The following DISC1 variants were observed in gnomAD, a reference collection of about 807,000 sequenced individuals.
DISC1 encodes DISC1 scaffold protein.
DISC1 carries 57 observed loss-of-function variants against 84.5 expected under a neutral mutation model. That is an observed-to-expected ratio of 0.67 (90% confidence interval 0.55 to 0.84). The LOEUF (loss-of-function observed/expected upper bound fraction) is 0.84. Ranked by LOEUF, DISC1 falls within the 40% of genes least tolerant of loss-of-function variation. The probability of loss-of-function intolerance (pLI) is 0.00; values close to 1 mark genes in which losing one functional copy is unlikely to be tolerated. For synonymous variants in DISC1, 411 were observed against 415.2 expected (o/e 0.99, Z 0.12); for missense variants, 1,000 against 1,057.8 (o/e 0.95, Z 0.76).
chr1:231,994,656 G>A (rs1035383337), intron 10 of DISC1, among the ~76,000 whole-genome samples: 1 of 152,194 alleles, frequency 6.6e-6, no homozygotes, highest in African/African-American at 2.4e-5. Context: ...TATTAACAAT[G>A]GTGATGATGG....
rs545170342 is a variant in DISC1, at chr1:231,824,937, G to A, written c.1981+6420G>A. 5.9e-5 allele frequency among the ~76,000 whole-genome samples: 9 copies of A among 151,836 alleles called. No individual in the cohort carries two copies. In the South Asian group the frequency reaches 1.9e-3, roughly 32 times the overall value. ...ACCCATCCATCCATCCTTTCCACAA[G>A]CATTTATTGAGTACTTACGATATGC... On this transcript the variant is annotated intron_variant, in intron 9 of 12. Transcript: ENST00000439617.
At chr1:231,794,765 AC>A (rs11355500) in intron 6 of DISC1, among the ~76,000 whole-genome samples, 20,864 of 152,092 alleles carry the variant, frequency 0.14, 1,618 homozygotes, top group East Asian at 0.27. Context: ...TCTCAGACAT[AC>A]TTTAAATATG....
intron 9 of DISC1, among the ~76,000 whole-genome samples, chr1:231,831,328 A>G (rs1247676171): frequency 1.3e-5 from 2 of 152,252 alleles, no homozygotes; most frequent in Non-Finnish European, 2.9e-5. Flanking sequence ...GAGACAGGGT[A>G]GCAGCTTGTA....
At chr1:231,855,285 A>T (rs2084189657) in intron 9 of DISC1, 1 of 626,708 alleles carries the variant, frequency 1.6e-6, no homozygotes, top group Non-Finnish European at 1.9e-6. Flanking sequence ...TCTATATAAC[A>T]TATGTATATT....
rs753431678 is a variant in DISC1 at position 231,767,304 on chromosome 1, G to A, written c.1398+35G>A. The A allele has an allele frequency of 8.1e-6, 13 of 1,613,402 alleles. No homozygotes were observed. In the East Asian group the frequency reaches 8.9e-5, roughly 11 times the overall value. The stretch of plus-strand genomic sequence containing the variant: ...TGAAAGATCTTCAAGAAATATGATG[G>A]CATTTTTCTTTTCTTTGAGACAGGG... On this transcript the variant is annotated intron_variant, in intron 5 of 12. Transcript: ENST00000439617.
chr1:231,979,206 C>T (rs1231976595), intron 10 of DISC1, among the ~76,000 whole-genome samples: 2 of 151,812 alleles, frequency 1.3e-5, no homozygotes, highest in Admixed American at 6.6e-5. Flanking sequence ...GTTCAGGGCT[C>T]CCACTGATTC....
chr1:231,883,455 T>TGTGAGTGGGTGGCCATGTGGGGC (rs1324119460), intron 9 of DISC1, among the ~76,000 whole-genome samples: 4 of 151,904 alleles, frequency 2.6e-5, no homozygotes, highest in African/African-American at 9.7e-5. Context: ...ATGAGGTTGG[T>TGTGAGTGGGTGGCCATGTGGGGC]GTGAGTGGGT....
chr1:231,647,804 T>C (rs2060261485), intron 1 of DISC1, among the ~76,000 whole-genome samples: 1 of 152,226 alleles, frequency 6.6e-6, no homozygotes, highest in South Asian at 2.1e-4. Flanking sequence ...CCTCGGTGTT[T>C]TATTCTCTTT....
intron 9 of DISC1, among the ~76,000 whole-genome samples, chr1:231,955,490 T>C (rs201555316): frequency 2.0e-5 from 3 of 149,014 alleles, no homozygotes; most frequent in Non-Finnish European, 3.0e-5. Flanking sequence ...TCTTGACTTT[T>C]TTTTTTTTTT....
At chr1:231,634,753 A>G (rs1467736655) in intron 1 of DISC1, among the ~76,000 whole-genome samples, 1 of 152,118 alleles carries the variant, frequency 6.6e-6, no homozygotes, top group East Asian at 1.9e-4. Flanking sequence ...AGGGTACTTA[A>G]AAATGTAGAG....
intron 8 of DISC1, among the ~76,000 whole-genome samples, chr1:231,811,771 T>C (rs1171544100): frequency 1.3e-5 from 2 of 152,192 alleles, no homozygotes; most frequent in Non-Finnish European, 2.9e-5. Flanking sequence ...CTAAGTCACT[T>C]ATTGACATGA....
At chr1:231,775,923 G>C (rs1028012724) in intron 6 of DISC1, among the ~76,000 whole-genome samples, 2 of 152,076 alleles carry the variant, frequency 1.3e-5, no homozygotes, top group African/African-American at 4.8e-5. Flanking sequence ...TGTGATGTGG[G>C]GGTGGGGGAG....
intron 8 of DISC1, among the ~76,000 whole-genome samples, chr1:231,806,729 C>T (rs145444323): frequency 1.7e-4 from 26 of 152,184 alleles, no homozygotes; most frequent in African/African-American, 6.3e-4. Flanking sequence ...GAAGTGAGAG[C>T]GAAGATCTCA....
chr1:231,978,938 C>A (rs894587056), intron 10 of DISC1, among the ~76,000 whole-genome samples: 1 of 152,160 alleles, frequency 6.6e-6, no homozygotes, highest in Non-Finnish European at 1.5e-5. Context: ...CCGGGCTGCA[C>A]AGCAGGAGGT....
chr1:231,937,618 C>T (rs201101530), intron 9 of DISC1, among the ~76,000 whole-genome samples: 18 of 152,288 alleles, frequency 1.2e-4, no homozygotes, highest in South Asian at 1.0e-3. Flanking sequence ...CTCTTCTCTG[C>T]GGCTCTGCTG....
chr1:231,712,800 A>G (rs59124649), intron 3 of DISC1, among the ~76,000 whole-genome samples: 4,894 of 152,308 alleles, frequency 0.032, 247 homozygotes, highest in African/African-American at 0.11. Flanking sequence ...CAAATGCTCA[A>G]AGTGAGCTAA....
At chr1:231,718,436 C>CTT (rs11294632) in intron 3 of DISC1, among the ~76,000 whole-genome samples, 4 of 119,678 alleles carry the variant, frequency 3.3e-5, no homozygotes, top group African/African-American at 6.8e-5. Context: ...CTTTCTCTCT[C>CTT]TTTTTTTTTT....
intron 11 of DISC1, among the ~76,000 whole-genome samples, chr1:232,016,987 C>T (rs970781471): frequency 5.9e-5 from 9 of 152,092 alleles, no homozygotes; most frequent in South Asian, 2.1e-4. Flanking sequence ...CTGTAGAACT[C>T]GGCATTTATA....
At chr1:231,918,661 CAGTT>C (rs904031789) in intron 9 of DISC1, among the ~76,000 whole-genome samples, 1 of 152,178 alleles carries the variant, frequency 6.6e-6, no homozygotes, top group Non-Finnish European at 1.5e-5. Context: ...GTAGTACTCT[CAGTT>C]AGGAGAAAAA....
Sources: gnomAD v4.1 joint callset for allele counts (sites outside exome capture counted in the v4.1 genomes callset) on GRCh38, gnomAD v4.1.1 for gene constraint, MANE v1.5 for transcripts, NCBI Gene and HGNC (gene_info 2026-07-23, HGNC 2026-07-21) for gene names.